The following TIAM2 variants were observed in gnomAD, a reference collection of about 807,000 sequenced individuals.
The protein encoded by TIAM2 is rho guanine nucleotide exchange factor TIAM2.
TIAM2 carries 80 observed loss-of-function variants against 152.9 expected under a neutral mutation model. The ratio of observed to expected loss-of-function variants is 0.52; its 90% CI spans 0.44 to 0.63. The LOEUF (loss-of-function observed/expected upper bound fraction) is 0.63, where lower values mean the gene tolerates loss of function less well. TIAM2 is among the 30% of genes least tolerant of loss of function. The pLI, the probability that TIAM2 is intolerant of heterozygous loss-of-function variation, is 0.00. For synonymous variants in TIAM2, 804 were observed against 838.0 expected (o/e 0.96, Z 0.70); for missense variants, 1,965 against 2,120.1 (o/e 0.93, Z 1.44).
At chr6:155,207,256 T>C (rs1781619201) in intron 14 of TIAM2, among the ~76,000 whole-genome samples, 1 of 152,230 alleles carries the variant, frequency 6.6e-6, no homozygotes, top group African/African-American at 2.4e-5. Flanking sequence ...CTTCTATTCT[T>C]CCAGAATGTA....
intron 7 of TIAM2, 145 bp from the exon 8 acceptor site, chr6:155,164,270 T>G: frequency 3.1e-6 from 2 of 649,352 alleles, no homozygotes; most frequent in East Asian, 2.9e-5. Context: ...GGGATTGAGA[T>G]GGGGTGAGCA....
At chr6:155,212,537 G>T (rs1781746548) in intron 15 of TIAM2, among the ~76,000 whole-genome samples, 2 of 152,192 alleles carry the variant, frequency 1.3e-5, no homozygotes, top group African/African-American at 4.8e-5. Context: ...TAGAAGCAAT[G>T]ATAGGCATTT....
At chr6:155,209,087 G>A (rs1316535189) in intron 14 of TIAM2, among the ~76,000 whole-genome samples, 1 of 151,954 alleles carries the variant, frequency 6.6e-6, no homozygotes, top group East Asian at 1.9e-4. Flanking sequence ...AGGGCCCAGG[G>A]AGAATTAACT....
intron 9 of TIAM2, among the ~76,000 whole-genome samples, chr6:155,165,842 C>CT (rs10588095): frequency 2.8e-4 from 42 of 148,928 alleles, no homozygotes; most frequent in Non-Finnish European, 3.6e-4. Flanking sequence ...TTAGCATGCA[C>CT]TTTTTTTTTT....
rs1253317103 is a variant in TIAM2, at chr6:155,018,236, G to A, written c.-209+22744G>A. Among the ~76,000 whole-genome samples, 24 of 143,150 alleles carry A rather than the reference G, an allele frequency of 1.7e-4. 1 individual carries two copies. The South Asian group carries it at 2.5e-3, about 15-fold the overall frequency. 93.9% of individuals were successfully genotyped at this position (143,150 alleles called of 152,430 possible). ...CTGGGCAACAGAGTGAGACTGTCTC[G>A]AAAAAAAAAAAGGTGTATATATGTG... On this transcript the variant is annotated intron_variant, in intron 1 of 26. Transcript: ENST00000682666.
intron 2 of TIAM2, among the ~76,000 whole-genome samples, chr6:155,106,750 G>A (rs1778699813): frequency 6.6e-6 from 1 of 152,228 alleles, no homozygotes; most frequent in Non-Finnish European, 1.5e-5. Context: ...TGGGAGCCGT[G>A]TTCCTATGGA....
intron 1 of TIAM2, among the ~76,000 whole-genome samples, chr6:155,062,268 T>C (rs1348532105): frequency 2.6e-5 from 4 of 152,212 alleles, no homozygotes; most frequent in Non-Finnish European, 4.4e-5. Context: ...TTCCAATTTT[T>C]GGCAACTATG....
At chr6:155,030,801 A>G (rs545854880) in intron 1 of TIAM2, among the ~76,000 whole-genome samples, 1 of 152,336 alleles carries the variant, frequency 6.6e-6, no homozygotes, top group Non-Finnish European at 1.5e-5. Context: ...GAGCTCAACC[A>G]GGGAGGTTCC....
chr6:155,009,267 A>G (rs1778448634), intron 1 of TIAM2, among the ~76,000 whole-genome samples: 1 of 150,854 alleles, frequency 6.6e-6, no homozygotes, highest in South Asian at 2.1e-4. Flanking sequence ...ATGCCTGGCT[A>G]GGTTTTGTAT....
At chr6:155,139,634 G>A (rs2115052479) in intron 5 of TIAM2, among the ~76,000 whole-genome samples, 1 of 152,308 alleles carries the variant, frequency 6.6e-6, no homozygotes, top group Non-Finnish European at 1.5e-5. Flanking sequence ...ATAGGGAAAT[G>A]TGGCTGCAAA....
chr6:155,048,377 G>A (rs1369078122), intron 1 of TIAM2, among the ~76,000 whole-genome samples: 1 of 152,210 alleles, frequency 6.6e-6, no homozygotes, highest in Non-Finnish European at 1.5e-5. Context: ...ACAGGCGTGA[G>A]CCACCACGCC....
chr6:155,042,486 G>A (rs1174445384), intron 1 of TIAM2, among the ~76,000 whole-genome samples: 1 of 152,092 alleles, frequency 6.6e-6, no homozygotes, highest in South Asian at 2.1e-4. Flanking sequence ...CAGCTTACTC[G>A]GGAGGCTGAG....
intron 2 of TIAM2, among the ~76,000 whole-genome samples, chr6:155,099,047 C>G (rs1216371322): frequency 6.6e-6 from 1 of 152,014 alleles, no homozygotes; most frequent in East Asian, 1.9e-4. Flanking sequence ...ATTAGTCGGG[C>G]GTGGTGGCAC....
Position 155,129,286 on chromosome 6 carries a change from T to C in TIAM2, c.63T>C (p.Thr21=), listed in dbSNP as rs149073712. The C allele has an allele frequency of 7.1e-5, 115 of 1,614,100 alleles. No homozygotes were observed. In the African/African-American group the frequency reaches 1.5e-3, roughly 21 times the overall value. ...QGSKNHSNTI[T]GAKQIPCSLK... ...CTAAAAATCATAGCAATACTATTAC[T>C]GGTGCTAAGCAAATTCCTTGCTCCC... The change falls in exon 4 of 27, where the codon ACT becomes ACC. Residue 21 remains threonine, a synonymous_variant. Transcript: ENST00000682666. This position sits in a 1 kb window ranked among gnomAD's most constrained non-coding sequence, Gnocchi z 4.8.
intron 22 of TIAM2, among the ~76,000 whole-genome samples, chr6:155,251,579 G>A (rs139083242): frequency 6.6e-6 from 1 of 152,298 alleles, no homozygotes; most frequent in African/African-American, 2.4e-5. Flanking sequence ...TAGCCACCGT[G>A]CCTGGCCAGA....
Position 155,144,688 on chromosome 6 carries a change from A to G in TIAM2, c.1713A>G (p.Glu571=), listed in dbSNP as rs955881522. The part of the protein sequence containing the change: ...SSAPRCALFA[E]DSIVQSVPEH... The stretch of plus-strand genomic sequence containing the variant: ...CCCCTCGGTGTGCTCTGTTTGCAGA[A>G]GACAGCATAGTGCAGTCTGTTCCAG... Residue 571 remains glutamate (E), a synonymous_variant, in exon 6 of 27, where the codon GAA becomes GAG. Transcript: ENST00000682666. 1 of 1,610,734 alleles carries G rather than the reference A, an allele frequency of 6.2e-7. No homozygotes were observed. Among genetic ancestry groups the G allele is most frequent in the Non-Finnish European group, 8.5e-7 (1 of 1,178,860 alleles).
intron 15 of TIAM2, among the ~76,000 whole-genome samples, chr6:155,227,496 C>A (rs1782290890): frequency 6.6e-6 from 1 of 152,196 alleles, no homozygotes; most frequent in Admixed American, 6.5e-5. Context: ...TCGCGCCCAG[C>A]CCTGCCAGCT....
At position 155,256,523 on chromosome 6, in the gene TIAM2, G is replaced by C; in HGVS notation, c.4508G>C (p.Ser1503Thr). 6.2e-7 allele frequency: 1 copy of C among 1,614,192 alleles called. No individual in the cohort carries two copies. The highest frequency in any genetic ancestry group is 1.3e-5 in the African/African-American group (1 of 75,048). ...RSLKVLKNSS[S>T]NEWTGETGKG... ...TTAAAAGTCCTGAAGAATTCCTCCA[G>C]CAACGAGTGGACCGGTGAGACTGGC... is the stretch of plus-strand genomic sequence containing the variant. Residue 1503 changes from serine (S) to threonine (T), a missense_variant, in exon 27 of 27, where the codon AGC becomes ACC. By Grantham distance (58) the Ser-to-Thr change is moderately conservative. Coordinates refer to ENST00000682666, the MANE Select transcript of TIAM2 (RefSeq NM_012454.4).
At chr6:155,064,994 C>T (rs1475531109) in intron 1 of TIAM2, among the ~76,000 whole-genome samples, 1 of 151,968 alleles carries the variant, frequency 6.6e-6, no homozygotes, top group Non-Finnish European at 1.5e-5. Flanking sequence ...TTGCTTTTGT[C>T]TCCCAGGCTG....
Sources: gnomAD v4.1 joint callset for allele counts (sites outside exome capture counted in the v4.1 genomes callset) on GRCh38, gnomAD v4.1.1 for gene constraint, Gnocchi (gnomAD v3.1) non-coding constraint, MANE v1.5 for transcripts, NCBI Gene and HGNC (gene_info 2026-07-23, HGNC 2026-07-21) for gene names.